UBE3D: variants seen among roughly 807,000 people sequenced by gnomAD.
UBE3D encodes the protein E3 ubiquitin-protein ligase E3D.
Under a neutral mutation model 49.6 loss-of-function variants are expected in UBE3D, and 48 were observed. The observed-to-expected ratio is 0.97, with a 90% CI of 0.77 to 1.23. UBE3D has a LOEUF of 1.23. Among genes scored for constraint, UBE3D ranks in the 50% most tolerant of loss-of-function variants. UBE3D has a pLI of 0.00. For synonymous variants in UBE3D, 189 were observed against 174.2 expected (o/e 1.08, Z -0.67); for missense variants, 452 against 468.4 (o/e 0.96, Z 0.32).
chr6:82,910,773 TCAATTGG>T (rs1772446013), intron 9 of UBE3D, among the ~76,000 whole-genome samples: 1 of 152,142 alleles, frequency 6.6e-6, no homozygotes, highest in African/African-American at 2.4e-5. Context: ...AAAAATAAAC[TCAATTGG>T]CAACTGATTT....
intron 9 of UBE3D, among the ~76,000 whole-genome samples, chr6:82,923,511 A>G (rs1177661450): frequency 6.6e-6 from 1 of 152,154 alleles, no homozygotes; most frequent in East Asian, 1.9e-4. Flanking sequence ...TTGAACAATG[A>G]GAACACATGG....
chr6:82,885,380 G>A, the UBE3D span, among the ~76,000 whole-genome samples: 1 of 152,186 alleles, frequency 6.6e-6, no homozygotes, highest in African/African-American at 2.4e-5. Flanking sequence ...ATGACAAGGA[G>A]GGGTGGCAGA....
At chr6:83,054,479 A>C (rs561675861) in intron 2 of UBE3D, among the ~76,000 whole-genome samples, 24 of 152,242 alleles carry the variant, frequency 1.6e-4, no homozygotes, top group Admixed American at 9.8e-4. Context: ...TTACGCATGT[A>C]GCATTTGTTA....
At chr6:82,982,621 C>T (rs540087780) in intron 8 of UBE3D, among the ~76,000 whole-genome samples, 1 of 152,284 alleles carries the variant, frequency 6.6e-6, no homozygotes, top group East Asian at 1.9e-4. Context: ...TATCTAGAAG[C>T]TTGATCGGGT....
intron 8 of UBE3D, among the ~76,000 whole-genome samples, chr6:82,994,642 GATGCA>G (rs1460860359): frequency 3.3e-5 from 5 of 152,192 alleles, no homozygotes; most frequent in African/African-American, 4.8e-5. Context: ...GAACTAGGTT[GATGCA>G]ATGATGAAGA....
chr6:83,000,404 C>G (rs1283762857), intron 8 of UBE3D, among the ~76,000 whole-genome samples: 1 of 152,146 alleles, frequency 6.6e-6, no homozygotes, highest in Non-Finnish European at 1.5e-5. Flanking sequence ...CAAATCCAAT[C>G]AATCATCAAG....
At chr6:83,017,409 CA>C (rs1184073641) in intron 8 of UBE3D, 1 of 151,712 alleles carries the variant, frequency 6.6e-6, no homozygotes, top group Admixed American at 6.6e-5. Flanking sequence ...ACACATACAT[CA>C]AAAGAGAATA....
chr6:83,036,808 A>C (rs1782293215), intron 5 of UBE3D: 1 of 151,546 alleles, frequency 6.6e-6, no homozygotes, highest in African/African-American at 2.4e-5. Flanking sequence ...ATAATAGTGC[A>C]CCACAGCCTT....
intron 5 of UBE3D, among the ~76,000 whole-genome samples, chr6:83,025,457 C>T (rs911967151): frequency 3.3e-5 from 5 of 150,640 alleles, no homozygotes; most frequent in African/African-American, 1.2e-4. Flanking sequence ...TTGCATCAAA[C>T]AAAATATTTT....
At chr6:82,931,853 G>A (rs920760725) in intron 9 of UBE3D, among the ~76,000 whole-genome samples, 1 of 152,094 alleles carries the variant, frequency 6.6e-6, no homozygotes, top group Non-Finnish European at 1.5e-5. Flanking sequence ...GAGGGGCCGG[G>A]GTGAAAAGAT....
intron 8 of UBE3D, among the ~76,000 whole-genome samples, chr6:82,995,789 G>T (rs1196676321): frequency 6.6e-6 from 1 of 152,124 alleles, no homozygotes; most frequent in Non-Finnish European, 1.5e-5. Flanking sequence ...CATCAGTAGG[G>T]CTGGGCATGG....
intron 8 of UBE3D, among the ~76,000 whole-genome samples, chr6:82,989,378 A>G (rs894049315): frequency 2.0e-5 from 3 of 151,888 alleles, no homozygotes; most frequent in African/African-American, 7.3e-5. Flanking sequence ...GCTACATGGC[A>G]TCTAGTATAT....
chr6:82,945,588 T>C (rs759079726), intron 9 of UBE3D, among the ~76,000 whole-genome samples: 1 of 152,086 alleles, frequency 6.6e-6, no homozygotes, highest in African/African-American at 2.4e-5. Flanking sequence ...CTTTTCAATA[T>C]CCATGCCCAG....
intron 2 of UBE3D, 71 bp downstream of exon 2, chr6:83,057,755 T>A: frequency 2.0e-6 from 3 of 1,507,484 alleles, no homozygotes; most frequent in Non-Finnish European, 1.8e-6. Flanking sequence ...GTTCAACTTA[T>A]CAAAGGAAAA....
chr6:82,942,569 C>A (rs141979063), intron 9 of UBE3D, among the ~76,000 whole-genome samples: 67 of 152,348 alleles, frequency 4.4e-4, no homozygotes, highest in African/African-American at 1.5e-3. Context: ...GCCTGCATCC[C>A]AGCCACTGCC....
At chr6:82,946,267 G>T (rs997665818) in intron 9 of UBE3D, among the ~76,000 whole-genome samples, 2 of 151,906 alleles carry the variant, frequency 1.3e-5, no homozygotes, top group African/African-American at 4.8e-5. Flanking sequence ...CAACAGAAAA[G>T]TAACAAATAA....
At chr6:82,939,000 T>C (rs1325017909) in intron 9 of UBE3D, among the ~76,000 whole-genome samples, 2 of 151,620 alleles carry the variant, frequency 1.3e-5, no homozygotes, top group African/African-American at 4.9e-5. Context: ...TGAGCTACGA[T>C]CGTGCTACTA....
At chr6:82,924,374 A>G (rs1055938826) in intron 9 of UBE3D, among the ~76,000 whole-genome samples, 2 of 152,180 alleles carry the variant, frequency 1.3e-5, no homozygotes, top group African/African-American at 4.8e-5. Context: ...TGATTTAGGA[A>G]ATGATCAGAT....
At chr6:83,059,476 T>G (rs2127853218) in intron 1 of UBE3D, among the ~76,000 whole-genome samples, 1 of 152,374 alleles carries the variant, frequency 6.6e-6, no homozygotes, top group South Asian at 2.1e-4. Context: ...TGGGCCATAG[T>G]TCTCTGACCA....
Sources: allele counts gnomAD v4.1 joint callset (sites outside exome capture counted in the v4.1 genomes callset), GRCh38; gene constraint gnomAD v4.1.1; transcripts MANE v1.5; gene names NCBI Gene and HGNC (gene_info 2026-07-23, HGNC 2026-07-21).